The following GPC5 variants were observed in gnomAD, a reference collection of about 807,000 sequenced individuals.
GPC5 encodes the protein glypican 5, also known as glypican-5.
In GPC5, 47 loss-of-function variants were observed where a neutral mutation model predicts 53.9. That is an observed-to-expected ratio of 0.87 (90% CI 0.69 to 1.11). The LOEUF (loss-of-function observed/expected upper bound fraction) is 1.11. Among genes scored for constraint, GPC5 ranks in the 50% most tolerant of loss-of-function variants. GPC5 has a pLI of 0.00. For synonymous variants in GPC5, 286 were observed against 263.3 expected, an observed-to-expected ratio of 1.09 and a Z score of -0.84; for missense variants, 748 against 713.1, an observed-to-expected ratio of 1.05 and a Z score of -0.56.
chr13:91,770,704 T>TTGTGTGTG lies in GPC5; in HGVS notation c.1280+14312_1280+14319dup, dbSNP rs71113759. Among the ~76,000 whole-genome samples, 1,075 of 145,642 alleles carry TTGTGTGTG rather than the reference T, an allele frequency of 7.4e-3. 15 individuals are homozygous for TTGTGTGTG. Among genetic ancestry groups the TTGTGTGTG allele is most frequent in the Admixed American group, 0.014 (209 of 14,416 alleles). Reference sequence around the variant, plus strand: ...TTCAAAGACTGGGGAGACTGTGTGTTTGTGTGTGTGTGTGTGTGTGTGTGT... The same window carrying TTGTGTGTG: ...TTCAAAGACTGGGGAGACTGTGTGTTTGTGTGTGTGTGTGTGTGTGTGTGTGTGTGTGT... On this transcript the variant is annotated intron_variant, in intron 5 of 7. Transcript: ENST00000377067.
intron 6 of GPC5, among the ~76,000 whole-genome samples, chr13:92,037,056 T>A (rs2040899088): frequency 6.6e-6 from 1 of 152,220 alleles, no homozygotes; most frequent in Non-Finnish European, 1.5e-5. Flanking sequence ...TTTGCTCTAA[T>A]CTTCCAATGA....
At chr13:92,114,587 T>C (rs1257730204) in intron 6 of GPC5, among the ~76,000 whole-genome samples, 2 of 152,188 alleles carry the variant, frequency 1.3e-5, no homozygotes, top group African/African-American at 4.8e-5. Context: ...TAATCCATTG[T>C]GATAAATGAG....
intron 7 of GPC5, among the ~76,000 whole-genome samples, chr13:92,213,973 G>A (rs184486236): frequency 3.3e-5 from 5 of 152,272 alleles, no homozygotes; most frequent in Non-Finnish European, 5.9e-5. Context: ...TTTTACTGAT[G>A]TATCTGATTG....
intron 6 of GPC5, among the ~76,000 whole-genome samples, chr13:91,979,135 A>C (rs532147511): frequency 5.3e-5 from 8 of 152,170 alleles, no homozygotes; most frequent in Non-Finnish European, 1.2e-4. Context: ...CCATCCAAGC[A>C]GAGATACCAA....
intron 7 of GPC5, among the ~76,000 whole-genome samples, chr13:92,794,162 A>G (rs1876568822): frequency 6.6e-6 from 1 of 152,208 alleles, no homozygotes; most frequent in Non-Finnish European, 1.5e-5. Flanking sequence ...TGTATCCAAC[A>G]GCACATCAAA....
chr13:92,332,465 A>G (rs1300089676), intron 7 of GPC5, among the ~76,000 whole-genome samples: 4 of 152,210 alleles, frequency 2.6e-5, no homozygotes, highest in Admixed American at 2.6e-4. Context: ...TAATACTAAT[A>G]TAGCCTATGA....
intron 5 of GPC5, among the ~76,000 whole-genome samples, chr13:91,820,839 T>C (rs982075096): frequency 6.6e-6 from 1 of 151,982 alleles, no homozygotes; most frequent in African/African-American, 2.4e-5. Context: ...GGTGGGCGCC[T>C]GTAGTCACAG....
intron 6 of GPC5, among the ~76,000 whole-genome samples, chr13:91,984,554 T>C (rs2040389666): frequency 1.3e-5 from 2 of 152,240 alleles, no homozygotes; most frequent in African/African-American, 4.8e-5. Context: ...ATATTGAATT[T>C]ATGATTGAGT....
chr13:92,746,584 T>C (rs1889246250), intron 7 of GPC5, among the ~76,000 whole-genome samples: 1 of 152,114 alleles, frequency 6.6e-6, no homozygotes, highest in African/African-American at 2.4e-5. Flanking sequence ...ATACCCAATG[T>C]GTCTATCAAA....
At chr13:92,781,178 TAACA>T (rs1876012856) in intron 7 of GPC5, among the ~76,000 whole-genome samples, 1 of 152,066 alleles carries the variant, frequency 6.6e-6, no homozygotes, top group Non-Finnish European at 1.5e-5. Flanking sequence ...TATGTAAACA[TAACA>T]AACATTAGGA....
chr13:92,424,881 G>A (rs761208665), intron 7 of GPC5, among the ~76,000 whole-genome samples: 6 of 151,988 alleles, frequency 3.9e-5, no homozygotes, highest in Middle Eastern at 6.8e-3. Flanking sequence ...TTCCAGACAC[G>A]TGAACTAGGT....
intron 6 of GPC5, among the ~76,000 whole-genome samples, chr13:92,047,635 C>T (rs2040993425): frequency 6.6e-6 from 1 of 151,398 alleles, no homozygotes; most frequent in Non-Finnish European, 1.5e-5. Flanking sequence ...TTTAAACCCT[C>T]TAACTCATAT....
chr13:91,949,556 A>G (rs1228466079), intron 6 of GPC5, among the ~76,000 whole-genome samples: 1 of 152,176 alleles, frequency 6.6e-6, no homozygotes, highest in East Asian at 1.9e-4. Context: ...TTGCTAGAGT[A>G]TGTGGTAGGA....
intron 7 of GPC5, among the ~76,000 whole-genome samples, chr13:92,249,032 A>C (rs919544719): frequency 1.8e-4 from 28 of 152,170 alleles, no homozygotes; most frequent in African/African-American, 6.7e-4. Context: ...TTATTTTTTA[A>C]ATTTTTTGTG....
At chr13:92,285,064 G>C (rs1179852930) in intron 7 of GPC5, among the ~76,000 whole-genome samples, 1 of 152,108 alleles carries the variant, frequency 6.6e-6, no homozygotes, top group East Asian at 1.9e-4. Context: ...CAAAATCAAT[G>C]TGCAAAAATC....
chr13:92,425,931 T>C (rs1158050905), intron 7 of GPC5, among the ~76,000 whole-genome samples: 1 of 152,144 alleles, frequency 6.6e-6, no homozygotes, highest in African/African-American at 2.4e-5. Flanking sequence ...TCTAATATCA[T>C]ATTTACACAT....
chr13:92,001,530 T>G (rs1330700077), intron 6 of GPC5, among the ~76,000 whole-genome samples: 1 of 152,144 alleles, frequency 6.6e-6, no homozygotes, highest in Non-Finnish European at 1.5e-5. Flanking sequence ...CTAGATAATA[T>G]AAGTAGAGCA....
chr13:92,507,237 T>C (rs1020499362), intron 7 of GPC5, among the ~76,000 whole-genome samples: 1 of 152,214 alleles, frequency 6.6e-6, no homozygotes, highest in African/African-American at 2.4e-5. Context: ...CACAGTACAT[T>C]GAGTTTGCCT....
intron 6 of GPC5, among the ~76,000 whole-genome samples, chr13:91,924,584 G>C (rs2039748549): frequency 6.6e-6 from 1 of 151,422 alleles, no homozygotes; most frequent in Non-Finnish European, 1.5e-5. Context: ...AAAAAAAAAA[G>C]TAAAGCATTA....
Sources: gnomAD v4.1 joint callset for allele counts (sites outside exome capture counted in the v4.1 genomes callset) on GRCh38, gnomAD v4.1.1 for gene constraint, MANE v1.5 for transcripts, NCBI Gene and HGNC (gene_info 2026-07-23, HGNC 2026-07-21) for gene names.